Variants in CNTNAP2 observed in about 807,000 individuals in gnomAD.
CNTNAP2 encodes contactin-associated protein-like 2.
Under a neutral mutation model 155.2 loss-of-function variants are expected in CNTNAP2, and 98 were observed. The ratio of observed to expected loss-of-function variants is 0.63; its 90% CI spans 0.54 to 0.75. The LOEUF is 0.75. CNTNAP2 is among the 30% of genes least tolerant of loss of function. The pLI is 0.00. For missense variants in CNTNAP2, 1,727 were observed against 1,688.1 expected (o/e 1.02, Z -0.40); for synonymous variants, 651 against 631.2 (o/e 1.03, Z -0.47).
chr7:147,160,914 T>C (rs751126387), intron 8 of CNTNAP2, among the ~76,000 whole-genome samples: 1 of 152,154 alleles, frequency 6.6e-6, no homozygotes, highest in African/African-American at 2.4e-5. Flanking sequence ...AAAGACTTTT[T>C]CTTGCTTACT....
chr7:147,817,868 G>A (rs1306180977), intron 13 of CNTNAP2, among the ~76,000 whole-genome samples: 1 of 144,578 alleles, frequency 6.9e-6, no homozygotes, highest in African/African-American at 2.6e-5. Flanking sequence ...TGGTGCCACT[G>A]CACTCCAGCC....
chr7:148,218,936 C>CTTTTTT lies in CNTNAP2; in HGVS notation c.3247+1431_3247+1436dup, dbSNP rs746349465. 1.2e-3 allele frequency among the ~76,000 whole-genome samples: 90 copies of CTTTTTT among 73,642 alleles called. 7 individuals carry two copies. The highest frequency in any genetic ancestry group is 2.0e-3 in the African/African-American group (34 of 17,258). 48.3% of individuals were successfully genotyped at this position (73,642 alleles called of 152,430 possible). Reference sequence around the variant, plus strand: ...TATACCTTAGAATTCTAAGATCACTCTTTTTTTTTTTTTTTTTTTTTTTTG... The same window carrying CTTTTTT: ...TATACCTTAGAATTCTAAGATCACTCTTTTTTTTTTTTTTTTTTTTTTTTTTTTTTG... On this transcript the variant is annotated intron_variant, in intron 19 of 23. Coordinates refer to ENST00000361727, the MANE Select transcript of CNTNAP2 (RefSeq NM_014141.6).
chr7:146,880,290 T>C lies in CNTNAP2; in HGVS notation c.402+40386T>C, dbSNP rs147170967. ...CTTCGTGATGGGATTAGAGCCCTTA[T>C]AGAAAGAAATTCATAAAAGCTCCTT... On this transcript the variant is annotated intron_variant, in intron 3 of 23. Transcript: ENST00000361727. Among the ~76,000 whole-genome samples the C allele has an allele frequency of 3.1e-3, 466 of 152,186 alleles. 2 individuals carry two copies. The highest frequency in any genetic ancestry group is 0.01 in the African/African-American group (416 of 41,548).
chr7:147,439,428 AT>A (rs1797602960), intron 10 of CNTNAP2, among the ~76,000 whole-genome samples: 1 of 151,900 alleles, frequency 6.6e-6, no homozygotes, highest in East Asian at 1.9e-4. Flanking sequence ...GTTTTATTCC[AT>A]TGTGGTTAGA....
chr7:147,671,118 A>T (rs1410219462), intron 13 of CNTNAP2, among the ~76,000 whole-genome samples: 1 of 152,152 alleles, frequency 6.6e-6, no homozygotes. Context: ...GAGTGAGTGG[A>T]GCTGGCTCCT....
intron 14 of CNTNAP2, among the ~76,000 whole-genome samples, chr7:147,910,726 G>C (rs182308774): frequency 1.5e-3 from 224 of 152,210 alleles, no homozygotes; most frequent in Non-Finnish European, 2.3e-3. Context: ...AAAACCATCA[G>C]ATCTCATGAG....
chr7:147,570,865 C>A (rs754826686), intron 12 of CNTNAP2, among the ~76,000 whole-genome samples: 7 of 152,162 alleles, frequency 4.6e-5, no homozygotes, highest in Admixed American at 1.3e-4. Context: ...GAACAGCACT[C>A]CTCATTTTAG....
chr7:147,297,864 CAG>C (rs1382155671), intron 8 of CNTNAP2, among the ~76,000 whole-genome samples: 2 of 152,166 alleles, frequency 1.3e-5, no homozygotes, highest in Non-Finnish European at 2.9e-5. Flanking sequence ...CTATCGTAAA[CAG>C]TGCTGCAACA....
chr7:147,282,106 C>G (rs535967027), intron 8 of CNTNAP2, among the ~76,000 whole-genome samples: 1 of 151,980 alleles, frequency 6.6e-6, no homozygotes, highest in South Asian at 2.1e-4. Context: ...AAATTCTGTG[C>G]CTTCTTAGTC....
intron 14 of CNTNAP2, among the ~76,000 whole-genome samples, chr7:147,976,709 T>C (rs561205733): frequency 6.0e-4 from 92 of 152,220 alleles, no homozygotes; most frequent in African/African-American, 1.9e-3. Context: ...AAGTAACTGC[T>C]CCACACTGCA....
At chr7:148,048,511 T>C (rs932274370) in intron 15 of CNTNAP2, among the ~76,000 whole-genome samples, 1 of 151,942 alleles carries the variant, frequency 6.6e-6, no homozygotes, top group Non-Finnish European at 1.5e-5. Context: ...GGAGGCTGGG[T>C]GAGGGTCAGT....
chr7:147,384,088 G>T (rs1192591902), intron 9 of CNTNAP2, among the ~76,000 whole-genome samples: 2 of 152,166 alleles, frequency 1.3e-5, no homozygotes, highest in Non-Finnish European at 2.9e-5. Context: ...AAAAGTACAA[G>T]TGAGAAAAAT....
chr7:146,472,941 G>T (rs1459714578), intron 1 of CNTNAP2, among the ~76,000 whole-genome samples: 1 of 149,254 alleles, frequency 6.7e-6, no homozygotes, highest in Non-Finnish European at 1.5e-5. Flanking sequence ...TGGGATACTA[G>T]ATACGTGAAG....
Position 147,332,566 on chromosome 7 carries a change from A to C in CNTNAP2, c.1498+32276A>C, listed in dbSNP as rs1339120533. ...CTGAAAAAAAAGAGAAAATAATTCTAATACAGTAATTATCAGGTCGAGCAT... is the reference window on the plus strand; with the variant it reads ...CTGAAAAAAAAGAGAAAATAATTCTCATACAGTAATTATCAGGTCGAGCAT... On this transcript the variant is annotated intron_variant, in intron 9 of 23. Transcript: ENST00000361727. Among the ~76,000 whole-genome samples, 3 of 152,268 alleles carry C rather than the reference A, an allele frequency of 2.0e-5. No homozygotes were observed. The East Asian group carries it at 5.8e-4, about 29-fold the overall frequency.
intron 1 of CNTNAP2, among the ~76,000 whole-genome samples, chr7:146,443,051 A>C (rs1405358985): frequency 1.3e-5 from 2 of 151,734 alleles, no homozygotes; most frequent in Non-Finnish European, 2.9e-5. Flanking sequence ...CTAAAAAAAA[A>C]ATACAAAAAA....
intron 4 of CNTNAP2, among the ~76,000 whole-genome samples, chr7:147,058,023 T>C (rs1314747343): frequency 6.6e-6 from 1 of 152,228 alleles, no homozygotes; most frequent in Non-Finnish European, 1.5e-5. Flanking sequence ...ATCGTTTGTC[T>C]GTGATTTGTG....
chr7:146,562,925 C>A (rs1798301343), intron 1 of CNTNAP2, among the ~76,000 whole-genome samples: 1 of 152,066 alleles, frequency 6.6e-6, no homozygotes, highest in Non-Finnish European at 1.5e-5. Flanking sequence ...AACTACACAG[C>A]AGACACTCTA....
At chr7:146,537,660 AT>A (rs1797890103) in intron 1 of CNTNAP2, among the ~76,000 whole-genome samples, 3 of 152,138 alleles carry the variant, frequency 2.0e-5, no homozygotes, top group Admixed American at 1.3e-4. Context: ...TGGTATTTAA[AT>A]AAAGGACTAA....
At chr7:146,279,427 TAAAC>T (rs1374096281) in intron 1 of CNTNAP2, among the ~76,000 whole-genome samples, 7 of 125,976 alleles carry the variant, frequency 5.6e-5, no homozygotes, top group African/African-American at 2.1e-4. Flanking sequence ...TTCATTTCCT[TAAAC>T]ACACACACAC....
Sources: gnomAD v4.1 joint callset for allele counts (sites outside exome capture counted in the v4.1 genomes callset) on GRCh38, gnomAD v4.1.1 for gene constraint, MANE v1.5 for transcripts, NCBI Gene and HGNC (gene_info 2026-07-23, HGNC 2026-07-21) for gene names.